GPR39: variants seen among roughly 807,000 people sequenced by gnomAD.
GPR39 encodes G protein-coupled receptor 39.
GPR39 carries 23 observed loss-of-function variants against 18.4 expected under a neutral mutation model. The observed-to-expected ratio is 1.25, with a 90% CI of 0.90 to 1.77. The LOEUF (loss-of-function observed/expected upper bound fraction) is 1.77. Among genes scored for constraint, GPR39 ranks in the 40% most tolerant of loss-of-function variants. The probability of loss-of-function intolerance (pLI) is 0.00; values close to 1 mark genes in which losing one functional copy is unlikely to be tolerated. For synonymous variants in GPR39, 280 were observed against 257.9 expected (o/e 1.09, Z -0.82); for missense variants, 647 against 602.4 (o/e 1.07, Z -0.78).
rs915750765 is a variant in GPR39 at position 132,552,963 on chromosome 2, G to T, written c.857-92138G>T. 2.1e-4 allele frequency among the ~76,000 whole-genome samples: 32 copies of T among 148,924 alleles called. 1 individual carries two copies. On this transcript the variant is annotated intron_variant, in intron 1 of 1. Coordinates refer to ENST00000329321, the MANE Select transcript of GPR39 (RefSeq NM_001508.3). ...ATATATTTTTTTTTTTGGAAACAGA[G>T]TCTCACTCTGTTGCCCAGGCTGGAG...
chr2:132,606,830 C>A (rs1277649393), intron 1 of GPR39, among the ~76,000 whole-genome samples: 1 of 152,138 alleles, frequency 6.6e-6, no homozygotes, highest in Non-Finnish European at 1.5e-5. Flanking sequence ...CCCCTGTGGT[C>A]GGGCCGCTCA....
intron 1 of GPR39, among the ~76,000 whole-genome samples, chr2:132,594,801 T>C (rs187383111): frequency 3.9e-5 from 6 of 152,148 alleles, no homozygotes; most frequent in African/African-American, 1.2e-4. Flanking sequence ...CTAACTCTCT[T>C]GGGAGAGTTA....
At chr2:132,493,885 A>T (rs1372499751) in intron 1 of GPR39, among the ~76,000 whole-genome samples, 1 of 152,074 alleles carries the variant, frequency 6.6e-6, no homozygotes, top group Non-Finnish European at 1.5e-5. Context: ...AGCGGAGCAG[A>T]GGGACCATCA....
chr2:132,489,955 G>A lies in GPR39; in HGVS notation c.856+72057G>A, dbSNP rs62167446. 8.1e-3 allele frequency among the ~76,000 whole-genome samples: 1,231 copies of A among 151,950 alleles called. 8 individuals carry two copies. Among genetic ancestry groups the A allele is most frequent in the Non-Finnish European group, 0.014 (937 of 68,002 alleles). On this transcript the variant is annotated intron_variant, in intron 1 of 1. Coordinates refer to ENST00000329321, the MANE Select transcript of GPR39 (RefSeq NM_001508.3). ...CTTGCAGGCAGAGGATCAGCTCTGG[G>A]AGGCCCCAGAGAGAGTTTATGGTGA... is the stretch of plus-strand genomic sequence containing the variant.
chr2:132,613,977 T>A (rs1681282780), intron 1 of GPR39, among the ~76,000 whole-genome samples: 1 of 152,222 alleles, frequency 6.6e-6, no homozygotes, highest in Admixed American at 6.5e-5. Flanking sequence ...CTCCTTGTTA[T>A]AAGAAACTGA....
At chr2:132,436,280 A>C (rs571173704) in intron 1 of GPR39, among the ~76,000 whole-genome samples, 6 of 152,352 alleles carry the variant, frequency 3.9e-5, no homozygotes, top group Admixed American at 3.9e-4. Flanking sequence ...CGATATATCA[A>C]AATGAATTTT....
intron 1 of GPR39, among the ~76,000 whole-genome samples, chr2:132,612,876 C>G (rs940195188): frequency 6.6e-6 from 1 of 152,142 alleles, no homozygotes; most frequent in African/African-American, 2.4e-5. Context: ...TTTCATTGAT[C>G]TAAAATCTAT....
intron 1 of GPR39, among the ~76,000 whole-genome samples, chr2:132,603,033 G>A (rs769352612): frequency 5.7e-4 from 86 of 152,066 alleles, no homozygotes; most frequent in Non-Finnish European, 1.1e-3. Flanking sequence ...CCCAATACTG[G>A]GTATTTATCC....
chr2:132,546,872 T>A (rs370613150), intron 1 of GPR39, among the ~76,000 whole-genome samples: 63 of 105,346 alleles, frequency 6.0e-4, no homozygotes, highest in East Asian at 1.9e-3. Context: ...AAAAGAGGCA[T>A]CATATGCAAA....
Position 132,646,115 on chromosome 2 carries a change from G to A in GPR39, c.*509G>A, listed in dbSNP as rs770332492. On this transcript the variant is annotated 3_prime_UTR_variant, in exon 2 of 2. Coordinates refer to ENST00000329321, the MANE Select transcript of GPR39 (RefSeq NM_001508.3). Reference sequence around the variant, plus strand: ...GGTGCGGAGCCCTGGCCTGAGGGCCGAGGCAGAACTTCCCCTTTTCTTGGG... The same window carrying A: ...GGTGCGGAGCCCTGGCCTGAGGGCCAAGGCAGAACTTCCCCTTTTCTTGGG... The A allele has an allele frequency of 1.7e-5, 28 of 1,609,002 alleles. No homozygotes were observed. In the South Asian group the frequency reaches 2.4e-4, roughly 14 times the overall value.
intron 1 of GPR39, among the ~76,000 whole-genome samples, chr2:132,469,947 T>C (rs1328862015): frequency 6.6e-6 from 1 of 151,936 alleles, no homozygotes; most frequent in Non-Finnish European, 1.5e-5. Context: ...CTCAGAGGAG[T>C]TGGCAAAAGT....
chr2:132,462,696 C>T (rs2104777967), intron 1 of GPR39, among the ~76,000 whole-genome samples: 1 of 152,262 alleles, frequency 6.6e-6, no homozygotes, highest in Non-Finnish European at 1.5e-5. Context: ...GTCAGCCAAC[C>T]AGGCAGTCCA....
At chr2:132,434,143 C>G (rs1680270223) in intron 1 of GPR39, among the ~76,000 whole-genome samples, 1 of 151,696 alleles carries the variant, frequency 6.6e-6, no homozygotes, top group Admixed American at 6.6e-5. Context: ...TGAGAGTGCT[C>G]TATTCTGAAA....
intron 1 of GPR39, among the ~76,000 whole-genome samples, chr2:132,478,552 T>C (rs1681173368): frequency 1.3e-5 from 2 of 152,210 alleles, no homozygotes; most frequent in African/African-American, 4.8e-5. Flanking sequence ...CAAGAAAAGC[T>C]ACCTGTCAAA....
intron 1 of GPR39, among the ~76,000 whole-genome samples, chr2:132,627,490 C>T (rs1681572102): frequency 6.6e-6 from 1 of 152,140 alleles, no homozygotes; most frequent in African/African-American, 2.4e-5. Context: ...TGTCAATATG[C>T]CGAGTAATGA....
At chr2:132,447,632 G>A (rs1680559687) in intron 1 of GPR39, among the ~76,000 whole-genome samples, 1 of 152,070 alleles carries the variant, frequency 6.6e-6, no homozygotes, top group African/African-American at 2.4e-5. Flanking sequence ...GACTTCTTTT[G>A]GAGCCTTAAC....
chr2:132,644,845 G>GTA (rs1300508648), intron 1 of GPR39: 1 of 491,834 alleles, frequency 2.0e-6, no homozygotes, highest in Non-Finnish European at 3.6e-6. Context: ...ACATCAACTG[G>GTA]TATAAATACA....
At chr2:132,443,401 C>G (rs1680474649) in intron 1 of GPR39, among the ~76,000 whole-genome samples, 1 of 152,204 alleles carries the variant, frequency 6.6e-6, no homozygotes, top group Non-Finnish European at 1.5e-5. Context: ...AGAAAGCACT[C>G]TGTGAGTACC....
chr2:132,447,584 G>T (rs529989769), intron 1 of GPR39, among the ~76,000 whole-genome samples: 1 of 152,226 alleles, frequency 6.6e-6, no homozygotes, highest in South Asian at 2.1e-4. Flanking sequence ...CATGTGTATT[G>T]GGTGCCTGCT....
Sources: allele counts gnomAD v4.1 joint callset (sites outside exome capture counted in the v4.1 genomes callset), GRCh38; gene constraint gnomAD v4.1.1; transcripts MANE v1.5; gene names NCBI Gene and HGNC (gene_info 2026-07-23, HGNC 2026-07-21).